ADAM28: variants seen among roughly 807,000 people sequenced by gnomAD.
ADAM28 encodes ADAM metallopeptidase domain 28.
In ADAM28, 105 loss-of-function variants were observed where a neutral mutation model predicts 101.2. The observed-to-expected ratio is 1.04, with a 90% CI of 0.89 to 1.22. The LOEUF is 1.22. ADAM28 is among the 50% of genes most tolerant of loss of function. ADAM28 has a pLI of 0.00. For synonymous variants in ADAM28, 322 were observed against 310.6 expected, an observed-to-expected ratio of 1.04 and a Z score of -0.39; for missense variants, 1,028 against 945.4, an observed-to-expected ratio of 1.09 and a Z score of -1.15.
At chr8:24,351,392 C>A (rs1278463666) in intron 20 of ADAM28, 82 bp downstream of exon 20, 31 of 1,367,090 alleles carry the variant, frequency 2.3e-5, no homozygotes, top group Admixed American at 1.7e-5. Context: ...ACCTATCTAT[C>A]ATTTCTACCC....
At chr8:24,299,028 AT>A in intron 1 of ADAM28, among the ~76,000 whole-genome samples, 1 of 150,024 alleles carries the variant, frequency 6.7e-6, no homozygotes, top group East Asian at 2.0e-4. Context: ...TACTTCTCTA[AT>A]AGAAAAAAAA....
intron 10 of ADAM28, among the ~76,000 whole-genome samples, chr8:24,327,052 C>A (rs1812714599): frequency 6.6e-6 from 1 of 152,008 alleles, no homozygotes; most frequent in African/African-American, 2.4e-5. Context: ...CCAGGGCAAT[C>A]AGGCAAGAGA....
At chr8:24,340,790 A>C (rs1245271994) in intron 15 of ADAM28, 1 of 152,338 alleles carries the variant, frequency 6.6e-6, no homozygotes, top group East Asian at 1.9e-4. Flanking sequence ...TATTTTCTAC[A>C]GCCAAGAGAG....
Position 24,351,278 on chromosome 8 carries a change from C to CCCCAGATGGTAA in ADAM28, c.2147_2158dup (p.Val719_Lys720insThrGlnMetVal), listed in dbSNP as rs1243877060. On this transcript the variant is annotated inframe_insertion, in exon 20 of 23. Coordinates refer to ENST00000265769, the MANE Select transcript of ADAM28 (RefSeq NM_014265.6). ...CAGGCCACACAAACAGAAGAGGAAA[C>CCCCAGATGGTAA]CCCAGATGGTAAAGGCTGTTCAACC... 1.2e-6 allele frequency: 2 copies of CCCCAGATGGTAA among 1,612,178 alleles called. No individual in the cohort carries two copies. The highest frequency in any genetic ancestry group is 2.7e-5 in the African/African-American group (2 of 74,764).
At chr8:24,313,166 A>G (rs1443968794) in intron 5 of ADAM28, among the ~76,000 whole-genome samples, 1 of 152,220 alleles carries the variant, frequency 6.6e-6, no homozygotes, top group African/African-American at 2.4e-5. Context: ...ACACTGCAGC[A>G]GTCACTTCTC....
intron 12 of ADAM28, 131 bp from the exon 13 acceptor site, chr8:24,332,529 A>T (rs1664730410): frequency 2.4e-6 from 1 of 422,762 alleles, no homozygotes; most frequent in African/African-American, 2.1e-5. Context: ...TTTTTTTTAT[A>T]TTTTTTGAAA....
At position 24,351,323 on chromosome 8, in the gene ADAM28, G is replaced by C; in HGVS notation, c.2178+13G>C. 6.2e-7 allele frequency: 1 copy of C among 1,611,522 alleles called. No homozygotes were observed. On this transcript the variant is annotated intron_variant, in intron 20 of 22. Coordinates refer to ENST00000265769, the MANE Select transcript of ADAM28 (RefSeq NM_014265.6). ...TCAACCCCAAGAGGTGAACTATATA[G>C]TCTGGGCTGTGATTACCATGGCCCC...
At chr8:24,304,032 T>TACAC (rs200631848) in intron 2 of ADAM28, among the ~76,000 whole-genome samples, 1 of 151,296 alleles carries the variant, frequency 6.6e-6, no homozygotes, top group South Asian at 2.1e-4. Flanking sequence ...ACCCAACATT[T>TACAC]ACACACACAC....
chr8:24,336,594 A>G (rs977174430), intron 14 of ADAM28, among the ~76,000 whole-genome samples: 49 of 136,690 alleles, frequency 3.6e-4, no homozygotes, highest in Admixed American at 2.3e-3. Context: ...AAAAAAAAAA[A>G]AAAAAGAAAA....
Position 24,335,438 on chromosome 8 carries a change from T to G in ADAM28, c.1372-8T>G. 6.3e-7 allele frequency: 1 copy of G among 1,594,096 alleles called. No homozygotes were observed. Among genetic ancestry groups the G allele is most frequent in the Non-Finnish European group, 8.5e-7 (1 of 1,170,456 alleles). The stretch of plus-strand genomic sequence containing the variant: ...AATAAAAAGCCTTCTATTTTTGTTT[T>G]TCTACAGTTTAAAAAGGCTGGGATG... On this transcript the variant is annotated splice_polypyrimidine_tract_variant and splice_region_variant and intron_variant, in intron 13 of 22. Transcript: ENST00000265769.
chr8:24,318,342 T>G (rs149267724), intron 6 of ADAM28, among the ~76,000 whole-genome samples: 3 of 152,120 alleles, frequency 2.0e-5, no homozygotes, highest in Non-Finnish European at 4.4e-5. Flanking sequence ...TCATTTCATT[T>G]CTGTCACCCT....
chr8:24,304,752 A>G (rs1391221892), intron 2 of ADAM28, among the ~76,000 whole-genome samples: 2 of 151,792 alleles, frequency 1.3e-5, no homozygotes, highest in South Asian at 2.1e-4. Context: ...TCTAATCCCA[A>G]CTACTAAGGA....
intron 2 of ADAM28, 137 bp downstream of exon 2, chr8:24,300,214 C>T (rs896469900): frequency 1.8e-6 from 1 of 551,254 alleles, no homozygotes; most frequent in Admixed American, 3.9e-5. Context: ...ATGTGTGTGC[C>T]TGTGTGTTTC....
intron 5 of ADAM28, 70 bp downstream of exon 5, chr8:24,311,507 T>C: frequency 1.6e-6 from 2 of 1,224,512 alleles, no homozygotes. Flanking sequence ...ACCAACCAGA[T>C]GAATCCCAAA....
chr8:24,303,111 T>C (rs888638928), intron 2 of ADAM28, among the ~76,000 whole-genome samples: 2 of 152,144 alleles, frequency 1.3e-5, no homozygotes, highest in Admixed American at 6.5e-5. Flanking sequence ...ACTCTGATGA[T>C]AGTTTATTTT....
Position 24,354,594 on chromosome 8 carries a change from C to G in ADAM28, c.*190C>G. Reference sequence around the variant, plus strand: ...TCAAGAGGAACATATGCCTGAGAACCTTTGCATGAATTTAAAATTTCAATT... The same window carrying G: ...TCAAGAGGAACATATGCCTGAGAACGTTTGCATGAATTTAAAATTTCAATT... On this transcript the variant is annotated 3_prime_UTR_variant, in exon 23 of 23. Coordinates refer to ENST00000265769, the MANE Select transcript of ADAM28 (RefSeq NM_014265.6). The G allele has an allele frequency of 2.1e-6, 1 of 482,722 alleles. No individual in the cohort carries two copies. Among genetic ancestry groups the G allele is most frequent in the Non-Finnish European group, 3.6e-6 (1 of 278,144 alleles). The allele number at this position is 482,722 out of a possible 1,614,324, so 29.9% of individuals were successfully genotyped here. A position where few individuals can be genotyped will look rare whatever the true frequency, so the allele number is the denominator to read the frequency against.
intron 4 of ADAM28, 149 bp from the exon 5 acceptor site, chr8:24,311,212 A>C: frequency 1.8e-6 from 1 of 557,702 alleles, no homozygotes; most frequent in Non-Finnish European, 3.1e-6. Context: ...GAAAGATTTT[A>C]ATTATTTTTT....
At chr8:24,338,701 A>T (rs62502751) in intron 14 of ADAM28, among the ~76,000 whole-genome samples, 26,805 of 152,144 alleles carry the variant, frequency 0.18, 2,493 homozygotes, top group East Asian at 0.35. Flanking sequence ...CTGTTTGTCA[A>T]AGGCTAGACT....
intron 16 of ADAM28, among the ~76,000 whole-genome samples, chr8:24,342,803 A>G (rs528001411): frequency 2.0e-5 from 3 of 152,278 alleles, no homozygotes; most frequent in Non-Finnish European, 4.4e-5. Context: ...CCTGGCATTA[A>G]GATCATCTCA....
Sources: gnomAD v4.1 joint callset for allele counts (sites outside exome capture counted in the v4.1 genomes callset) on GRCh38, gnomAD v4.1.1 for gene constraint, MANE v1.5 for transcripts, NCBI Gene and HGNC (gene_info 2026-07-23, HGNC 2026-07-21) for gene names.